SLCO6A1: variants seen among roughly 807,000 people sequenced by gnomAD.
The protein encoded by SLCO6A1 is solute carrier organic anion transporter family member 6A1.
A neutral mutation model predicts 72.7 loss-of-function variants in SLCO6A1; 65 were observed. The ratio of observed to expected loss-of-function variants is 0.89; its 90% confidence interval spans 0.73 to 1.10. The LOEUF is 1.10. Among genes scored for constraint, SLCO6A1 ranks in the 50% least tolerant of loss-of-function variants. The pLI, the probability that SLCO6A1 is intolerant of heterozygous loss-of-function variation, is 0.00. For synonymous variants in SLCO6A1, 314 were observed against 298.2 expected (o/e 1.05, Z -0.55); for missense variants, 874 against 872.6 (o/e 1.00, Z -0.02).
At chr5:102,446,673 C>G (rs1457878467) in intron 6 of SLCO6A1, among the ~76,000 whole-genome samples, 1 of 152,146 alleles carries the variant, frequency 6.6e-6, no homozygotes, top group African/African-American at 2.4e-5. Context: ...TTTCCCCATT[C>G]AGTATGATGT....
chr5:102,471,271 C>T (rs1224828449), intron 4 of SLCO6A1, among the ~76,000 whole-genome samples: 1 of 152,042 alleles, frequency 6.6e-6, no homozygotes, highest in African/African-American at 2.4e-5. Context: ...CACCTATTTT[C>T]CAGTCTTGCT....
At chr5:102,383,898 C>T (rs1351079636) in intron 12 of SLCO6A1, among the ~76,000 whole-genome samples, 3 of 151,742 alleles carry the variant, frequency 2.0e-5, no homozygotes, top group Non-Finnish European at 4.4e-5. Flanking sequence ...TCTACTTATT[C>T]ATGATTATGT....
intron 12 of SLCO6A1, among the ~76,000 whole-genome samples, chr5:102,378,418 G>A (rs1745924161): frequency 6.6e-6 from 1 of 152,100 alleles, no homozygotes; most frequent in African/African-American, 2.4e-5. Flanking sequence ...ACAGTCATAA[G>A]CCACCATGCC....
intron 10 of SLCO6A1, among the ~76,000 whole-genome samples, chr5:102,396,583 T>A (rs1747097165): frequency 6.6e-6 from 1 of 152,176 alleles, no homozygotes; most frequent in Non-Finnish European, 1.5e-5. Context: ...GTGTTGGCTT[T>A]CCTATTCAAT....
intron 8 of SLCO6A1, among the ~76,000 whole-genome samples, chr5:102,419,195 C>A (rs1206509168): frequency 6.6e-6 from 1 of 152,134 alleles, no homozygotes; most frequent in Non-Finnish European, 1.5e-5. Flanking sequence ...CTCTTTGATT[C>A]CTTTAACCAA....
At chr5:102,492,972 C>A (rs1450421334) in intron 1 of SLCO6A1, among the ~76,000 whole-genome samples, 1 of 152,000 alleles carries the variant, frequency 6.6e-6, no homozygotes, top group Non-Finnish European at 1.5e-5. Flanking sequence ...AGGGCATAGC[C>A]AAACAAAAGG....
chr5:102,380,848 A>G (rs1746064059), intron 12 of SLCO6A1, among the ~76,000 whole-genome samples: 1 of 151,992 alleles, frequency 6.6e-6, no homozygotes. Context: ...ATTAAGAGCT[A>G]TCTTCAGCAG....
In SLCO6A1 at chr5:102,498,902, G is replaced by A; in HGVS notation, c.-58C>T. 4.0e-6 allele frequency: 6 copies of A among 1,496,098 alleles called. No homozygotes were observed. The highest frequency in any genetic ancestry group is 5.4e-6 in the Non-Finnish European group (6 of 1,116,144). 92.7% of individuals were successfully genotyped at this position (1,496,098 alleles called of 1,614,324 possible). A position where few individuals can be genotyped will look rare whatever the true frequency, so the allele number is the denominator to read the frequency against. ...CCGAGTGCTCTCGGCTGCCCGTCCT[G>A]CCTGGGCCAACCCAAAGGCCAGCCT... On this transcript the variant is annotated 5_prime_UTR_variant, in exon 1 of 14. Coordinates refer to ENST00000506729, the MANE Select transcript of SLCO6A1 (RefSeq NM_173488.5).
At chr5:102,475,637 G>A in intron 4 of SLCO6A1, 60 bp downstream of exon 4, 1 of 1,059,578 alleles carries the variant, frequency 9.4e-7, no homozygotes, top group South Asian at 1.6e-5. Flanking sequence ...GTAAGCTATG[G>A]TAGCTATTTA....
chr5:102,462,353 C>T (rs946147886), intron 4 of SLCO6A1, among the ~76,000 whole-genome samples: 5 of 152,030 alleles, frequency 3.3e-5, no homozygotes, highest in African/African-American at 1.2e-4. Flanking sequence ...ATCAAAGTAC[C>T]AAGATCATTC....
intron 6 of SLCO6A1, among the ~76,000 whole-genome samples, chr5:102,456,882 T>C (rs2112748385): frequency 6.6e-6 from 1 of 152,294 alleles, no homozygotes; most frequent in African/African-American, 2.4e-5. Flanking sequence ...CAAAACAGCA[T>C]GGTACTGGTA....
At chr5:102,433,968 C>A (rs574475082) in intron 7 of SLCO6A1, among the ~76,000 whole-genome samples, 1 of 152,154 alleles carries the variant, frequency 6.6e-6, no homozygotes, top group African/African-American at 2.4e-5. Context: ...GCATTTGTAT[C>A]TTTCGTCTAT....
In SLCO6A1 at chr5:102,474,257, C is replaced by A. The variant is rs577437390; in HGVS notation, c.899+1440G>T. Reference sequence around the variant, plus strand: ...CAGACCAATGAAATAGAATAGAGAACCCAGAAATAAACCCTCATATATACG... The same window carrying A: ...CAGACCAATGAAATAGAATAGAGAAACCAGAAATAAACCCTCATATATACG... On this transcript the variant is annotated intron_variant, in intron 4 of 13. Coordinates refer to ENST00000506729, the MANE Select transcript of SLCO6A1 (RefSeq NM_173488.5). 1.7e-4 allele frequency among the ~76,000 whole-genome samples: 26 copies of A among 151,984 alleles called. No individual in the cohort carries two copies. The South Asian group carries it at 2.5e-3, about 15-fold the overall frequency.
intron 4 of SLCO6A1, among the ~76,000 whole-genome samples, chr5:102,473,179 C>G (rs1195653002): frequency 6.6e-6 from 1 of 151,844 alleles, no homozygotes; most frequent in Non-Finnish European, 1.5e-5. Flanking sequence ...TACAAGAAAA[C>G]TACAGACTAA....
intron 7 of SLCO6A1, among the ~76,000 whole-genome samples, chr5:102,434,383 T>G (rs151117272): frequency 2.0e-5 from 3 of 152,284 alleles, no homozygotes; most frequent in East Asian, 3.9e-4. Context: ...AACCTCAAGA[T>G]TTCTTTCATG....
chr5:102,455,814 G>C (rs10434748), intron 6 of SLCO6A1, among the ~76,000 whole-genome samples: 1 of 152,004 alleles, frequency 6.6e-6, no homozygotes, highest in African/African-American at 2.4e-5. Context: ...AAGTGAACAA[G>C]TTAGTTAAAA....
Position 102,479,826 on chromosome 5 carries a change from GATA to G in SLCO6A1, c.616+348_616+350del, listed in dbSNP as rs554596221. On this transcript the variant is annotated intron_variant, in intron 2 of 13. Transcript: ENST00000506729. ...ACTCAAGGAGGTCCTTCAAGCTCCTGATAATAATAAAAAATGCCCCTAATCGAT... is the reference window on the plus strand; with the variant it reads ...ACTCAAGGAGGTCCTTCAAGCTCCTGATAATAAAAAATGCCCCTAATCGAT... Among the ~76,000 whole-genome samples the G allele has an allele frequency of 1.3e-4, 20 of 152,150 alleles. No homozygotes were observed. In the South Asian group the frequency reaches 4.1e-3, roughly 32 times the overall value.
At chr5:102,446,457 G>A (rs1750113323) in intron 6 of SLCO6A1, among the ~76,000 whole-genome samples, 1 of 152,128 alleles carries the variant, frequency 6.6e-6, no homozygotes, top group Admixed American at 6.5e-5. Flanking sequence ...TATGAAATCT[G>A]GGAGCCACTG....
chr5:102,430,281 T>G (rs1341150302), intron 7 of SLCO6A1, among the ~76,000 whole-genome samples: 1 of 152,168 alleles, frequency 6.6e-6, no homozygotes, highest in African/African-American at 2.4e-5. Flanking sequence ...TCTTTTTATG[T>G]AGATGCCCTT....
Sources: allele counts gnomAD v4.1 joint callset (sites outside exome capture counted in the v4.1 genomes callset), GRCh38; gene constraint gnomAD v4.1.1; transcripts MANE v1.5; gene names NCBI Gene and HGNC (gene_info 2026-07-23, HGNC 2026-07-21).